Variants in EPHA2 observed in about 807,000 individuals in gnomAD.
EPHA2 encodes the protein ephrin type-A receptor 2.
Under a neutral mutation model 104.9 loss-of-function variants are expected in EPHA2, and 54 were observed. The ratio of observed to expected loss-of-function variants is 0.51; its 90% confidence interval spans 0.41 to 0.65. EPHA2 has a LOEUF of 0.65. Ranked by LOEUF, EPHA2 falls within the 30% of genes least tolerant of loss-of-function variation. The probability of loss-of-function intolerance (pLI) is 0.00; values close to 1 mark genes in which losing one functional copy is unlikely to be tolerated. For missense variants in EPHA2, 1,117 were observed against 1,369.5 expected (o/e 0.82, Z 2.91); for synonymous variants, 560 against 559.1 (o/e 1.00, Z -0.02).
rs747432932 is a variant in EPHA2 at position 16,131,761 on chromosome 1, G to C, written c.2435C>G (p.Thr812Ser). ...SFGIVMWEVM[T>S]YGERPYWELS... ...CTCCCAGTAGGGCCGCTCGCCATAG[G>C]TCATCACCTCCCACATGACAATGCC... The change falls in exon 14 of 17, where the codon ACC (threonine) becomes AGC (serine). Residue 812 changes from threonine to serine, a missense_variant. Transcript: ENST00000358432. This position sits in a 1 kb window ranked among gnomAD's most constrained non-coding sequence, Gnocchi z 5.2. The C allele has an allele frequency of 1.2e-6, 2 of 1,613,988 alleles. No individual in the cohort carries two copies. Among genetic ancestry groups the C allele is most frequent in the Admixed American group, 3.3e-5 (2 of 60,012 alleles).
chr1:16,146,626 G>A (rs980906166), intron 3 of EPHA2, among the ~76,000 whole-genome samples: 1 of 152,252 alleles, frequency 6.6e-6, no homozygotes, highest in Non-Finnish European at 1.5e-5. Context: ...CTCAGCAGAG[G>A]GGAGCTGGGA....
In EPHA2 at chr1:16,125,976, G is replaced by A. The variant is rs1408958508; in HGVS notation, c.2826-656C>T. Among the ~76,000 whole-genome samples the A allele has an allele frequency of 1.3e-5, 2 of 152,208 alleles. No homozygotes were observed. Among genetic ancestry groups the A allele is most frequent in the South Asian group, 2.1e-4 (1 of 4,824 alleles). ...GGTTAAACTTTGCGAGTCTTCATGG[G>A]TGAGGCTTGCGGGTCACCAGATCCA... On this transcript the variant is annotated intron_variant, in intron 16 of 16. Transcript: ENST00000358432. The surrounding 1 kb of genome is among the most constrained non-coding windows in gnomAD (Gnocchi z 4.9).
chr1:16,130,461 A>G lies in EPHA2; in HGVS notation c.2476-42T>C. On this transcript the variant is annotated intron_variant, in intron 14 of 16. Transcript: ENST00000358432. The surrounding 1 kb of genome is among the most constrained non-coding windows in gnomAD (Gnocchi z 4.5). ...GTCAGGGGCGCTGTTGCAGAAAGCC[A>G]CTGAAACCCTCTGCAGCCTCCAGCC... 1 of 1,516,412 alleles carries G rather than the reference A, an allele frequency of 6.6e-7. No homozygotes were observed. The highest frequency in any genetic ancestry group is 8.9e-7 in the Non-Finnish European group (1 of 1,129,452). The allele number at this position is 1,516,412 out of a possible 1,614,324, so 93.9% of individuals were successfully genotyped here.
In EPHA2 at chr1:16,129,550, C is replaced by T. The variant is rs758697000; in HGVS notation, c.2709G>A (p.Gly903=). The part of the protein sequence containing the change: ...IRLPSTSGSE[G]VPFRTVSEWL... ...ACTCGGACACCGTGCGGAAGGGCACCCCCTCCGAGCCGCTCGTGCTGGGGA... is the reference window on the plus strand; with the variant it reads ...ACTCGGACACCGTGCGGAAGGGCACTCCCTCCGAGCCGCTCGTGCTGGGGA... Residue 903 remains glycine, a synonymous_variant, in exon 16 of 17, where the codon GGG becomes GGA. Coordinates refer to ENST00000358432, the MANE Select transcript of EPHA2 (RefSeq NM_004431.5). 1 of 1,612,734 alleles carries T rather than the reference C, an allele frequency of 6.2e-7. No individual in the cohort carries two copies. Among genetic ancestry groups the T allele is most frequent in the South Asian group, 1.1e-5 (1 of 91,070 alleles).
rs1429716017 is a variant in EPHA2, at chr1:16,148,740, C to T, written c.461G>A (p.Ser154Asn). ...TIAPDEITVS[S>N]DFEARHVKLN... is the part of the protein sequence containing the mutation. The stretch of plus-strand genomic sequence containing the variant: ...CTTCACGTGGCGTGCCTCGAAGTCG[C>T]TGCTGACGGTGATCTCATCGGGCGC... Residue 154 changes from serine (S) to asparagine (N), a missense_variant, in exon 3 of 17, where the codon AGC (serine) becomes AAC (asparagine). Ser to Asn is a conservative substitution (Grantham distance 46). This residue lies in a region of EPHA2 where 664 missense variants were observed against 784.8 expected (regional missense o/e 0.85). Coordinates refer to ENST00000358432, the MANE Select transcript of EPHA2 (RefSeq NM_004431.5). This position sits in a 1 kb window ranked among gnomAD's most constrained non-coding sequence, Gnocchi z 4.9. The T allele has an allele frequency of 3.1e-6, 5 of 1,613,992 alleles. No homozygotes were observed. In the Admixed American group the frequency reaches 6.7e-5, roughly 22 times the overall value.
In EPHA2 at chr1:16,133,199, T is replaced by C. The variant is rs2230598; in HGVS notation, c.2034A>G (p.Leu678=). ...GQFSHHNIIR[L]EGVISKYKPM... Reference sequence around the variant, plus strand: ...CCTCACATTTGGAGATGACGCCCTCTAGGCGGATGATGTTGTGGTGGCTGA... The same window carrying C: ...CCTCACATTTGGAGATGACGCCCTCCAGGCGGATGATGTTGTGGTGGCTGA... Residue 678 remains leucine, a synonymous_variant, in exon 11 of 17, where the codon CTA becomes CTG. Coordinates refer to ENST00000358432, the MANE Select transcript of EPHA2 (RefSeq NM_004431.5). The C allele has an allele frequency of 6.2e-3, 10,051 of 1,613,644 alleles. 520 individuals carry two copies. The African/African-American group carries it at 0.11, about 18-fold the overall frequency.
intron 5 of EPHA2, among the ~76,000 whole-genome samples, chr1:16,136,027 T>C (rs909310644): frequency 5.9e-5 from 9 of 152,068 alleles, no homozygotes; most frequent in African/African-American, 2.2e-4. Context: ...CATGCTACTG[T>C]ACCTGGCTAA....
At chr1:16,142,498 G>A (rs970297896) in intron 3 of EPHA2, among the ~76,000 whole-genome samples, 3 of 152,252 alleles carry the variant, frequency 2.0e-5, no homozygotes, top group African/African-American at 7.2e-5. Context: ...CAGATGGATG[G>A]ATGGATAGAT....
At chr1:16,149,148 C>T (rs1054141568) in intron 2 of EPHA2, 101 bp from the exon 3 acceptor site, 2 of 1,310,024 alleles carry the variant, frequency 1.5e-6, no homozygotes, top group African/African-American at 2.9e-5. Context: ...AGTTCGTGCT[C>T]TCCGGGTTCT....
intron 3 of EPHA2, among the ~76,000 whole-genome samples, chr1:16,145,678 A>G (rs1435170817): frequency 6.6e-6 from 1 of 152,008 alleles, no homozygotes; most frequent in African/African-American, 2.4e-5. Context: ...AGAGCCCCCA[A>G]GCCCCTGCAA....
intron 3 of EPHA2, among the ~76,000 whole-genome samples, chr1:16,140,241 C>G (rs1303535265): frequency 6.6e-6 from 1 of 152,228 alleles, no homozygotes; most frequent in Non-Finnish European, 1.5e-5. Context: ...CGCTCTCACC[C>G]CCTTGGTCCA....
chr1:16,133,884 C>T lies in EPHA2; in HGVS notation c.1714G>A (p.Glu572Lys), dbSNP rs1177788065. ...RKNQRARQSP[E>K]DVYFSKSEQL... ...CCTGACTTGGAGAAGTAAACGTCCTCCGGGGACTGGCGGGCACGCTGGTTC... is the reference window on the plus strand; with the variant it reads ...CCTGACTTGGAGAAGTAAACGTCCTTCGGGGACTGGCGGGCACGCTGGTTC... Residue 572 changes from glutamate (E) to lysine (K), a missense_variant, in exon 9 of 17, where the codon GAG (glutamate) becomes AAG (lysine). Transcript: ENST00000358432. 2 of 1,550,666 alleles carry T rather than the reference C, an allele frequency of 1.3e-6. No homozygotes were observed. The highest frequency in any genetic ancestry group is 2.7e-5 in the African/African-American group (2 of 73,026).
At chr1:16,152,400 GC>G (rs1006846337) in intron 1 of EPHA2, among the ~76,000 whole-genome samples, 1 of 151,722 alleles carries the variant, frequency 6.6e-6, no homozygotes, top group African/African-American at 2.4e-5. Context: ...ACTGACCGGG[GC>G]CAAACCTCTC....
intron 3 of EPHA2, among the ~76,000 whole-genome samples, chr1:16,142,677 G>A (rs2024845624): frequency 6.8e-6 from 1 of 146,836 alleles, no homozygotes; most frequent in African/African-American, 2.5e-5. Context: ...ATGGATGGAT[G>A]AGGGATGGAT....
rs1389432196 is a variant in EPHA2 at position 16,148,926 on chromosome 1, T to C, written c.275A>G (p.Glu92Gly). The C allele has an allele frequency of 6.2e-7, 1 of 1,614,126 alleles. No individual in the cohort carries two copies. Among genetic ancestry groups the C allele is most frequent in the African/African-American group, 1.3e-5 (1 of 75,042 alleles). Residue 92 changes from glutamate to glycine, a missense_variant, in exon 3 of 17, where the codon GAG (glutamate) becomes GGG (glycine). Coordinates refer to ENST00000358432, the MANE Select transcript of EPHA2 (RefSeq NM_004431.5). This position sits in a 1 kb window ranked among gnomAD's most constrained non-coding sequence, Gnocchi z 4.9. ...RTNWVYRGEA[E>G]RIFIELKFTV... Reference sequence around the variant, plus strand: ...AAACTTGAGCTCAATGAAGATACGCTCAGCCTCTCCTCGGTACACCCAGTT... The same window carrying C: ...AAACTTGAGCTCAATGAAGATACGCCCAGCCTCTCCTCGGTACACCCAGTT...
chr1:16,153,182 G>A, intron 1 of EPHA2: 1 of 985,068 alleles, frequency 1.0e-6, no homozygotes. Flanking sequence ...TCCACCGTAA[G>A]TGCCATCTTT....
In EPHA2 at chr1:16,134,328, A is replaced by T; in HGVS notation, c.1682+140T>A. On this transcript the variant is annotated intron_variant, in intron 8 of 16. Transcript: ENST00000358432. This position sits in a 1 kb window ranked among gnomAD's most constrained non-coding sequence, Gnocchi z 4.5. ...CACTTCGCTACACACTCTAACTCGT[A>T]TATCCTCGCACCATCCGGAGGCAGG... The T allele has an allele frequency of 1.0e-6, 1 of 977,616 alleles. No individual in the cohort carries two copies. The highest frequency in any genetic ancestry group is 1.6e-6 in the Non-Finnish European group (1 of 626,782). 60.6% of individuals were successfully genotyped at this position (977,616 alleles called of 1,614,324 possible).
chr1:16,138,156 C>T lies in EPHA2; in HGVS notation c.1009G>A (p.Ala337Thr), dbSNP rs1295491063. 1.9e-6 allele frequency: 3 copies of T among 1,609,102 alleles called. No individual in the cohort carries two copies. In the African/African-American group the frequency reaches 4.0e-5, roughly 21 times the overall value. The change falls in exon 5 of 17, where the codon GCC (alanine) becomes ACC (threonine). Residue 337 changes from alanine to threonine, a missense_variant. By Grantham distance (58) the Ala-to-Thr change is moderately conservative. Coordinates refer to ENST00000358432, the MANE Select transcript of EPHA2 (RefSeq NM_004431.5). ...TCCACCTTGGCACCCATGCCCACGG[C>T]TGTGAGGTAGTGTGGGGCGGAGGGG... ...RPPSAPHYLT[A>T]VGMGAKVELR... is the part of the protein sequence containing the mutation.
rs202150956 is a variant in EPHA2, at chr1:16,136,713, A to AAAGAAGAAGAAGAAGAAGAAGAAG, written c.1313-967_1313-944dup. 7.9e-3 allele frequency among the ~76,000 whole-genome samples: 816 copies of AAAGAAGAAGAAGAAGAAGAAGAAG among 102,702 alleles called. 18 individuals carry two copies. The highest frequency in any genetic ancestry group is 0.012 in the African/African-American group (215 of 18,212). 67.4% of individuals were successfully genotyped at this position (102,702 alleles called of 152,430 possible). Reference sequence around the variant, plus strand: ...AAGAGGAAGAAGAAGAAGAAGAAGAAAAGAAGAAGAAGAAGAAGAAGAAGA... The same window carrying AAAGAAGAAGAAGAAGAAGAAGAAG: ...AAGAGGAAGAAGAAGAAGAAGAAGAAAAGAAGAAGAAGAAGAAGAAGAAGAAGAAGAAGAAGAAGAAGAAGAAGA... On this transcript the variant is annotated intron_variant, in intron 5 of 16. Transcript: ENST00000358432.
Sources: gnomAD v4.1 joint callset for allele counts (sites outside exome capture counted in the v4.1 genomes callset) on GRCh38, gnomAD v4.1.1 for gene constraint, gnomAD v4.1.1 regional missense constraint, Gnocchi (gnomAD v3.1) non-coding constraint, MANE v1.5 for transcripts, NCBI Gene and HGNC (gene_info 2026-07-23, HGNC 2026-07-21) for gene names.